The following TBC1D9 variants were observed in gnomAD, a reference collection of about 807,000 sequenced individuals.
The protein encoded by TBC1D9 is TBC1 domain family member 9.
In TBC1D9, 63 loss-of-function variants were observed where a neutral mutation model predicts 132.0. The observed-to-expected ratio is 0.48, with a 90% CI of 0.39 to 0.59. The LOEUF (loss-of-function observed/expected upper bound fraction) is 0.59. Among genes scored for constraint, TBC1D9 ranks in the 20% least tolerant of loss-of-function variants. TBC1D9 has a pLI of 0.00. For synonymous variants in TBC1D9, 610 were observed against 609.9 expected (o/e 1.00, Z 0.00); for missense variants, 1,261 against 1,592.7 (o/e 0.79, Z 3.54).
At chr4:140,631,299 T>A (rs994343804) in intron 16 of TBC1D9, among the ~76,000 whole-genome samples, 8 of 152,150 alleles carry the variant, frequency 5.3e-5, no homozygotes, top group Non-Finnish European at 8.8e-5. Context: ...CTCGGCTCAC[T>A]GCAACCTCTG....
intron 1 of TBC1D9, among the ~76,000 whole-genome samples, chr4:140,747,512 C>T (rs1414853401): frequency 6.6e-6 from 1 of 152,012 alleles, no homozygotes; most frequent in African/African-American, 2.4e-5. Flanking sequence ...ATAATCTATA[C>T]CAATATCAAC....
intron 2 of TBC1D9, among the ~76,000 whole-genome samples, chr4:140,696,791 A>G (rs1165619362): frequency 6.6e-6 from 1 of 152,216 alleles, no homozygotes; most frequent in Non-Finnish European, 1.5e-5. Context: ...GGTTTATAGA[A>G]AAAGGTTTTA....
chr4:140,654,664 G>A (rs1415154862), intron 13 of TBC1D9, among the ~76,000 whole-genome samples: 2 of 152,258 alleles, frequency 1.3e-5, no homozygotes, highest in East Asian at 1.9e-4. Flanking sequence ...AAGTCCTGGG[G>A]CGATGACTTT....
In TBC1D9 at chr4:140,756,197, G is replaced by C. The variant is rs1739013306; in HGVS notation, c.-152C>G. The C allele has an allele frequency of 4.3e-6, 2 of 465,830 alleles. No homozygotes were observed. Among genetic ancestry groups the C allele is most frequent in the Admixed American group, 9.2e-5 (2 of 21,772 alleles). The allele number at this position is 465,830 out of a possible 1,614,324, so 28.9% of individuals were successfully genotyped here. A position where few individuals can be genotyped will look rare whatever the true frequency, so the allele number is the denominator to read the frequency against. On this transcript the variant is annotated 5_prime_UTR_variant, in exon 1 of 21. Transcript: ENST00000442267. The surrounding 1 kb of genome is among the most constrained non-coding windows in gnomAD (Gnocchi z 5.6). ...CGGCGGCAGGCGACTTCAGGGGGTG[G>C]CCCGCGGCGTCCGGGCCACAACAAA...
At chr4:140,645,652 C>T (rs1008978730) in intron 13 of TBC1D9, among the ~76,000 whole-genome samples, 5 of 152,198 alleles carry the variant, frequency 3.3e-5, no homozygotes, top group African/African-American at 1.2e-4. Flanking sequence ...GATTTTTCAT[C>T]CTCTCTTGGG....
chr4:140,636,413 G>A (rs769056861), intron 15 of TBC1D9, among the ~76,000 whole-genome samples: 13 of 152,028 alleles, frequency 8.6e-5, no homozygotes, highest in Non-Finnish European at 1.5e-4. Flanking sequence ...AAATTTAAGA[G>A]ACAGGGTCTC....
chr4:140,643,329 T>G (rs1737041182), intron 13 of TBC1D9: 1 of 1,342,246 alleles, frequency 7.5e-7, no homozygotes, highest in Non-Finnish European at 1.0e-6. Context: ...AGCTTCCTGC[T>G]TCTCCAAGGC....
At chr4:140,684,975 T>C (rs1179797231) in intron 3 of TBC1D9, among the ~76,000 whole-genome samples, 1 of 152,098 alleles carries the variant, frequency 6.6e-6, no homozygotes, top group African/African-American at 2.4e-5. Context: ...GAATCCATGA[T>C]TCCATGTTAA....
intron 9 of TBC1D9, among the ~76,000 whole-genome samples, chr4:140,663,494 A>T (rs1271640110): frequency 6.6e-6 from 1 of 152,220 alleles, no homozygotes; most frequent in Non-Finnish European, 1.5e-5. Flanking sequence ...GAGATTCCTT[A>T]AACTAAAAAT....
chr4:140,692,612 T>C (rs917548783), intron 2 of TBC1D9, among the ~76,000 whole-genome samples: 4 of 152,176 alleles, frequency 2.6e-5, no homozygotes, highest in African/African-American at 9.7e-5. Flanking sequence ...AATATACTTT[T>C]TCAAAATCCA....
chr4:140,643,265 G>T (rs1180732441), intron 13 of TBC1D9: 42 of 1,296,680 alleles, frequency 3.2e-5, no homozygotes, highest in Non-Finnish European at 4.3e-5. Flanking sequence ...CTGCGATCTC[G>T]CTCAGCAGGG....
At chr4:140,741,397 T>G (rs1738756082) in intron 1 of TBC1D9, among the ~76,000 whole-genome samples, 1 of 152,150 alleles carries the variant, frequency 6.6e-6, no homozygotes, top group Non-Finnish European at 1.5e-5. Context: ...TAATTAAGAA[T>G]CTAGCACCTT....
At chr4:140,660,454 A>T (rs1314314291) in intron 10 of TBC1D9, among the ~76,000 whole-genome samples, 3 of 152,198 alleles carry the variant, frequency 2.0e-5, no homozygotes, top group African/African-American at 7.2e-5. Context: ...CTACAATTCA[A>T]TTTCAAAAAA....
At chr4:140,632,257 C>T (rs558908675) in intron 16 of TBC1D9, among the ~76,000 whole-genome samples, 1 of 79,638 alleles carries the variant, frequency 1.3e-5, no homozygotes, top group South Asian at 5.5e-4. Flanking sequence ...TATTTTTGCC[C>T]AAAGGTTTTT....
intron 20 of TBC1D9, 85 bp from the exon 21 acceptor site, chr4:140,623,002 T>A: frequency 1.4e-6 from 2 of 1,411,988 alleles, no homozygotes; most frequent in Non-Finnish European, 1.8e-6. Flanking sequence ...GCCATTTAAA[T>A]GAGAACGCCT....
At chr4:140,662,823 T>C (rs1737385060) in intron 9 of TBC1D9, among the ~76,000 whole-genome samples, 1 of 152,240 alleles carries the variant, frequency 6.6e-6, no homozygotes, top group Non-Finnish European at 1.5e-5. Flanking sequence ...AAATTTTAAT[T>C]ACATTCCTGT....
intron 3 of TBC1D9, among the ~76,000 whole-genome samples, chr4:140,680,149 T>G: frequency 6.6e-6 from 1 of 152,226 alleles, no homozygotes; most frequent in East Asian, 1.9e-4. Flanking sequence ...TCCTAGTGTT[T>G]TTACTAAGCT....
At chr4:140,661,545 T>C (rs1174613316) in intron 10 of TBC1D9, among the ~76,000 whole-genome samples, 3 of 152,124 alleles carry the variant, frequency 2.0e-5, no homozygotes, top group Non-Finnish European at 4.4e-5. Context: ...AGCTAGACAG[T>C]GGTGAATCCA....
chr4:140,645,065 TG>T (rs1197187239), intron 13 of TBC1D9: 2 of 504,358 alleles, frequency 4.0e-6, no homozygotes, highest in African/African-American at 3.9e-5. Context: ...AACCGGAGCC[TG>T]CCAGCACTGG....
Sources: gnomAD v4.1 joint callset for allele counts (sites outside exome capture counted in the v4.1 genomes callset) on GRCh38, gnomAD v4.1.1 for gene constraint, Gnocchi (gnomAD v3.1) non-coding constraint, MANE v1.5 for transcripts, NCBI Gene and HGNC (gene_info 2026-07-23, HGNC 2026-07-21) for gene names.